The following ZDHHC17 variants were observed in gnomAD, a reference collection of about 807,000 sequenced individuals.
The protein encoded by ZDHHC17 is palmitoyltransferase ZDHHC17.
Under a neutral mutation model 90.3 loss-of-function variants are expected in ZDHHC17, and 40 were observed. That is an observed-to-expected ratio of 0.44 (90% CI 0.34 to 0.58). The LOEUF is 0.58. ZDHHC17 is among the 20% of genes least tolerant of loss of function. The pLI is 0.01. For missense variants in ZDHHC17, 614 were observed against 780.8 expected (o/e 0.79, Z 2.55); for synonymous variants, 235 against 252.4 (o/e 0.93, Z 0.65).
chr12:76,829,485 G>A (rs1225204677), intron 10 of ZDHHC17, among the ~76,000 whole-genome samples: 1,642 of 57,806 alleles, frequency 0.028, 1 homozygote, highest in African/African-American at 0.066. Flanking sequence ...AAAAAAAAAA[G>A]AACTACCATT....
At chr12:76,819,864 A>G (rs962819808) in intron 7 of ZDHHC17, among the ~76,000 whole-genome samples, 8 of 151,984 alleles carry the variant, frequency 5.3e-5, no homozygotes, top group African/African-American at 1.4e-4. Context: ...GTGGTGGTAC[A>G]TGTCTGTAAT....
intron 1 of ZDHHC17, among the ~76,000 whole-genome samples, chr12:76,776,076 T>C (rs1162271064): frequency 6.6e-6 from 1 of 151,986 alleles, no homozygotes; most frequent in Non-Finnish European, 1.5e-5. Flanking sequence ...TTCCATTGAA[T>C]AATTGATGTA....
chr12:76,770,146 G>A (rs769489312), intron 1 of ZDHHC17, among the ~76,000 whole-genome samples: 2 of 152,182 alleles, frequency 1.3e-5, no homozygotes, highest in Non-Finnish European at 2.9e-5. Context: ...AGGATTAAGT[G>A]AGATAATACA....
At chr12:76,769,202 G>T (rs188114975) in intron 1 of ZDHHC17, 3 of 210,632 alleles carry the variant, frequency 1.4e-5, no homozygotes, top group African/African-American at 7.1e-5. Context: ...GGGATTACAG[G>T]TGCCTGCCAC....
intron 1 of ZDHHC17, among the ~76,000 whole-genome samples, chr12:76,767,198 T>G (rs1415547884): frequency 6.6e-6 from 1 of 152,168 alleles, no homozygotes; most frequent in African/African-American, 2.4e-5. Flanking sequence ...TTATTTTGGT[T>G]TTGGTGACTG....
intron 10 of ZDHHC17, among the ~76,000 whole-genome samples, chr12:76,836,986 C>G (rs1257884259): frequency 2.0e-5 from 3 of 152,136 alleles, no homozygotes; most frequent in Non-Finnish European, 4.4e-5. Flanking sequence ...TTCGACATGT[C>G]TCTTGCAAAT....
chr12:76,819,429 C>T (rs530167167), intron 7 of ZDHHC17, among the ~76,000 whole-genome samples: 9 of 152,114 alleles, frequency 5.9e-5, no homozygotes, highest in African/African-American at 1.7e-4. Flanking sequence ...TGGATTGTAA[C>T]GATAAGATGC....
intron 2 of ZDHHC17, among the ~76,000 whole-genome samples, chr12:76,800,137 A>T (rs74104853): frequency 6.6e-5 from 10 of 152,284 alleles, no homozygotes; most frequent in African/African-American, 2.4e-4. Flanking sequence ...TATTAGAATG[A>T]TACATGTAAT....
intron 14 of ZDHHC17, 82 bp downstream of exon 14, chr12:76,846,761 A>G: frequency 8.1e-7 from 1 of 1,237,528 alleles, no homozygotes; most frequent in Non-Finnish European, 1.1e-6. Context: ...AAATTACTAT[A>G]ATGACAAAGG....
At chr12:76,822,313 C>G in intron 7 of ZDHHC17, 93 bp from the exon 8 acceptor site, 2 of 1,491,188 alleles carry the variant, frequency 1.3e-6, no homozygotes, top group Non-Finnish European at 1.8e-6. Flanking sequence ...GTTAATAGGG[C>G]AGTAAATTAA....
At chr12:76,803,097 CA>C (rs1039390304) in intron 2 of ZDHHC17, among the ~76,000 whole-genome samples, 1 of 151,444 alleles carries the variant, frequency 6.6e-6, no homozygotes, top group Non-Finnish European at 1.5e-5. Context: ...ACTAAAAGTA[CA>C]AAAAAAGAGC....
chr12:76,815,848 C>G lies in ZDHHC17; in HGVS notation c.609-9C>G. On this transcript the variant is annotated splice_polypyrimidine_tract_variant and intron_variant, in intron 6 of 16. Transcript: ENST00000426126. ...GTTGTTGTTTGTTTTTTTTTTTTTT[C>G]CTTTTCAGTGTGGATCCAACTAGAT... The G allele has an allele frequency of 8.3e-7, 1 of 1,209,676 alleles. No individual in the cohort carries two copies. The highest frequency in any genetic ancestry group is 4.3e-5 in the Admixed American group (1 of 23,506). The allele number at this position is 1,209,676 out of a possible 1,614,324, so 74.9% of individuals were successfully genotyped here. A position where few individuals can be genotyped will look rare whatever the true frequency, so the allele number is the denominator to read the frequency against.
chr12:76,829,342 A>G (rs898955424), intron 10 of ZDHHC17, among the ~76,000 whole-genome samples: 2 of 150,910 alleles, frequency 1.3e-5, no homozygotes, highest in African/African-American at 4.9e-5. Context: ...CTGTATTCCC[A>G]GCTACTCGGG....
At chr12:76,820,213 T>G (rs1953147244) in intron 7 of ZDHHC17, among the ~76,000 whole-genome samples, 1 of 151,974 alleles carries the variant, frequency 6.6e-6, no homozygotes, top group Non-Finnish European at 1.5e-5. Context: ...GGAAGAAAAG[T>G]GGCTGTCATC....
At chr12:76,773,803 G>A (rs919460991) in intron 1 of ZDHHC17, among the ~76,000 whole-genome samples, 2 of 152,072 alleles carry the variant, frequency 1.3e-5, no homozygotes, top group Non-Finnish European at 2.9e-5. Context: ...AAGGAACTAG[G>A]GGAGGATTCA....
At position 76,791,191 on chromosome 12, in the gene ZDHHC17, T is replaced by C. The variant is rs79346357; in HGVS notation, c.94-6243T>C. Among the ~76,000 whole-genome samples the C allele has an allele frequency of 6.6e-3, 1,003 of 152,348 alleles. 3 individuals are homozygous for C. Among genetic ancestry groups the C allele is most frequent in the African/African-American group, 0.024 (978 of 41,576 alleles). On this transcript the variant is annotated intron_variant, in intron 1 of 16. Coordinates refer to ENST00000426126, the MANE Select transcript of ZDHHC17 (RefSeq NM_015336.4). ...GCCATCTGCTGGCAATGTTAACTAA[T>C]TACATTTTTAAAAAGTTATTTTATG... is the stretch of plus-strand genomic sequence containing the variant.
intron 1 of ZDHHC17, among the ~76,000 whole-genome samples, chr12:76,790,774 T>A (rs769683434): frequency 6.6e-6 from 1 of 152,100 alleles, no homozygotes; most frequent in African/African-American, 2.4e-5. Flanking sequence ...GCTAAAGAAG[T>A]TAATCTCAGA....
At chr12:76,811,772 G>A (rs543888953) in intron 5 of ZDHHC17, among the ~76,000 whole-genome samples, 11 of 152,176 alleles carry the variant, frequency 7.2e-5, no homozygotes, top group Admixed American at 4.6e-4. Flanking sequence ...AATGTAGTAT[G>A]TATTTTAAGA....
chr12:76,797,999 A>C (rs998721503), intron 2 of ZDHHC17, among the ~76,000 whole-genome samples: 1 of 151,604 alleles, frequency 6.6e-6, no homozygotes, highest in Admixed American at 6.6e-5. Context: ...TTTATTTCCC[A>C]TTGGATAATT....
Sources: allele counts gnomAD v4.1 joint callset (sites outside exome capture counted in the v4.1 genomes callset), GRCh38; gene constraint gnomAD v4.1.1; transcripts MANE v1.5; gene names NCBI Gene and HGNC (gene_info 2026-07-23, HGNC 2026-07-21).